INSC: variants seen among roughly 807,000 people sequenced by gnomAD.
INSC encodes INSC spindle orientation adaptor protein.
A neutral mutation model predicts 58.6 loss-of-function variants in INSC; 67 were observed. The observed-to-expected ratio is 1.14, with a 90% CI of 0.94 to 1.40. INSC has a LOEUF of 1.40. Ranked by LOEUF, INSC falls within the 40% of genes most tolerant of loss-of-function variation. The pLI, the probability that INSC is intolerant of heterozygous loss-of-function variation, is 0.00. For missense variants in INSC, 714 were observed against 692.0 expected, an observed-to-expected ratio of 1.03 and a Z score of -0.36; for synonymous variants, 262 against 276.1, an observed-to-expected ratio of 0.95 and a Z score of 0.51.
At position 15,226,006 on chromosome 11, in the gene INSC, ACTC is replaced by A. The variant is rs369781345; in HGVS notation, c.1170+181_1170+183del. Among the ~76,000 whole-genome samples the A allele has an allele frequency of 6.5e-3, 981 of 151,748 alleles. 13 individuals carry two copies. The highest frequency in any genetic ancestry group is 0.023 in the African/African-American group (950 of 41,358). ...TTGACTTTGTAGCCTCTCTATGAGA[ACTC>A]CTACCCTCTTTGCCCATCCCATTAT... On this transcript the variant is annotated intron_variant, in intron 9 of 12. Transcript: ENST00000379556.
intron 6 of INSC, among the ~76,000 whole-genome samples, chr11:15,192,694 G>T (rs892482480): frequency 6.6e-6 from 1 of 152,184 alleles, no homozygotes; most frequent in Non-Finnish European, 1.5e-5. Flanking sequence ...CTGAAGGGCT[G>T]TTGAGTATCC....
At chr11:15,147,636 C>T (rs1033597676) in intron 1 of INSC, among the ~76,000 whole-genome samples, 4 of 152,178 alleles carry the variant, frequency 2.6e-5, no homozygotes, top group Non-Finnish European at 5.9e-5. Flanking sequence ...GGCTATGTGC[C>T]TGGCCCTTGG....
chr11:15,135,846 T>G (rs1254344245), intron 1 of INSC, among the ~76,000 whole-genome samples: 1 of 152,214 alleles, frequency 6.6e-6, no homozygotes, highest in Non-Finnish European at 1.5e-5. Flanking sequence ...TTCTGGAGGC[T>G]GAGAAGTCCA....
At chr11:15,228,941 T>C (rs1039972731) in intron 9 of INSC, among the ~76,000 whole-genome samples, 15 of 152,244 alleles carry the variant, frequency 9.9e-5, no homozygotes, top group African/African-American at 3.1e-4. Context: ...GCTGACATGG[T>C]CAGCCATTGA....
At chr11:15,145,167 C>T (rs1439678060) in intron 1 of INSC, among the ~76,000 whole-genome samples, 1 of 152,212 alleles carries the variant, frequency 6.6e-6, no homozygotes, top group Non-Finnish European at 1.5e-5. Flanking sequence ...CTGCTATATA[C>T]CAAGCACAAT....
At chr11:15,211,753 G>A (rs1444954206) in intron 7 of INSC, among the ~76,000 whole-genome samples, 3 of 151,876 alleles carry the variant, frequency 2.0e-5, no homozygotes, top group Admixed American at 6.5e-5. Flanking sequence ...ACCCAATTGA[G>A]CCAGCACTGT....
chr11:15,144,031 T>C (rs1237997164), intron 1 of INSC, among the ~76,000 whole-genome samples: 1 of 152,242 alleles, frequency 6.6e-6, no homozygotes, highest in African/African-American at 2.4e-5. Context: ...TGGTGAATCC[T>C]AGATCATGTG....
At chr11:15,183,794 A>T (rs1297873617) in intron 5 of INSC, among the ~76,000 whole-genome samples, 1 of 152,178 alleles carries the variant, frequency 6.6e-6, no homozygotes, top group Non-Finnish European at 1.5e-5. Context: ...AAATTTCAAG[A>T]TATATTGGAT....
chr11:15,251,160 A>T (rs544325458), downstream of INSC, among the ~76,000 whole-genome samples: 19 of 152,330 alleles, frequency 1.2e-4, no homozygotes, highest in South Asian at 2.9e-3. Flanking sequence ...GAAGAAGCAA[A>T]ATGAGTTTGG....
At position 15,190,915 on chromosome 11, in the gene INSC, C is replaced by T. The variant is rs989963155; in HGVS notation, c.693+101C>T. On this transcript the variant is annotated intron_variant, in intron 6 of 12. Transcript: ENST00000379556. ...CTGGCTCACGAGGTCTGTCTTGGCC[C>T]CTGCATTAGCTGCTGAGTCTCCTTG... 9.3e-6 allele frequency: 7 copies of T among 751,538 alleles called. No individual in the cohort carries two copies. In the African/African-American group the frequency reaches 1.2e-4, roughly 13 times the overall value. 46.6% of individuals were successfully genotyped at this position (751,538 alleles called of 1,614,324 possible).
chr11:15,229,998 T>C (rs1589998908), intron 9 of INSC, among the ~76,000 whole-genome samples: 1 of 25,190 alleles, frequency 4.0e-5, no homozygotes, highest in African/African-American at 1.6e-4. Context: ...TATATATATA[T>C]ATATATATAT....
At chr11:15,235,478 C>T (rs537533039) in intron 9 of INSC, 124 bp from the exon 10 acceptor site, 19 of 769,436 alleles carry the variant, frequency 2.5e-5, no homozygotes, top group African/African-American at 5.1e-5. Flanking sequence ...AGGATAGGCC[C>T]GGTGGACAGG....
chr11:15,229,975 T>TATATATA (rs1851817160), intron 9 of INSC, among the ~76,000 whole-genome samples: 2 of 14,000 alleles, frequency 1.4e-4, no homozygotes, highest in African/African-American at 3.7e-4. Flanking sequence ...TATATATATA[T>TATATATA]ATATTATATA....
chr11:15,112,727 G>A (rs11023441), upstream of INSC, among the ~76,000 whole-genome samples: 21 of 150,698 alleles, frequency 1.4e-4, no homozygotes, highest in South Asian at 4.4e-3. Flanking sequence ...CTGAAACCCA[G>A]ACACAGAGTT....
chr11:15,188,186 C>T (rs1406215844), intron 5 of INSC: 1 of 985,240 alleles, frequency 1.0e-6, no homozygotes, highest in Non-Finnish European at 1.2e-6. Flanking sequence ...TTGCAAGGCC[C>T]CCACTCACAA....
At chr11:15,242,402 C>T (rs897249363) in intron 12 of INSC, among the ~76,000 whole-genome samples, 1 of 152,202 alleles carries the variant, frequency 6.6e-6, no homozygotes, top group African/African-American at 2.4e-5. Context: ...ACCCCTCCCT[C>T]CCTAATCCAT....
At position 15,246,405 on chromosome 11, in the gene INSC, G is replaced by A. The variant is rs1852567291; in HGVS notation, c.*365G>A. The A allele has an allele frequency of 6.4e-6, 1 of 155,162 alleles. No homozygotes were observed. The highest frequency in any genetic ancestry group is 6.5e-5 in the Admixed American group (1 of 15,444). The allele number at this position is 155,162 out of a possible 1,614,324, so 9.6% of individuals were successfully genotyped here. ...GGAACCAGAGGATTTCAACTGCCTA[G>A]CAAGTTTTTTTTTTAAGTTGGATTT... On this transcript the variant is annotated 3_prime_UTR_variant, in exon 13 of 13. Transcript: ENST00000379556.
chr11:15,122,361 G>A (rs1488493253), intron 1 of INSC, among the ~76,000 whole-genome samples: 1 of 152,182 alleles, frequency 6.6e-6, no homozygotes, highest in African/African-American at 2.4e-5. Context: ...GTAATTACCA[G>A]GGCCTGAACT....
intron 5 of INSC, among the ~76,000 whole-genome samples, chr11:15,183,038 G>A (rs1849833427): frequency 6.6e-6 from 1 of 152,066 alleles, no homozygotes; most frequent in Non-Finnish European, 1.5e-5. Context: ...TATTTATGTT[G>A]AGTATGCCAT....
Sources: gnomAD v4.1 joint callset for allele counts (sites outside exome capture counted in the v4.1 genomes callset) on GRCh38, gnomAD v4.1.1 for gene constraint, MANE v1.5 for transcripts, NCBI Gene and HGNC (gene_info 2026-07-23, HGNC 2026-07-21) for gene names.